GCSAM: variants seen among roughly 807,000 people sequenced by gnomAD.
The protein encoded by GCSAM is germinal center-associated signaling and motility protein.
Under a neutral mutation model 17.6 loss-of-function variants are expected in GCSAM, and 8 were observed. The observed-to-expected ratio is 0.46, with a 90% CI of 0.27 to 0.82. The LOEUF is 0.82. GCSAM is among the 40% of genes least tolerant of loss of function. The pLI is 0.15. For missense variants in GCSAM, 192 were observed against 213.5 expected, an observed-to-expected ratio of 0.90 and a Z score of 0.63; for synonymous variants, 68 against 69.0, an observed-to-expected ratio of 0.98 and a Z score of 0.07.
At chr3:112,126,106 A>T (rs1417843787) in intron 4 of GCSAM, among the ~76,000 whole-genome samples, 2 of 152,184 alleles carry the variant, frequency 1.3e-5, no homozygotes, top group African/African-American at 4.8e-5. Context: ...TAAGAAAAGC[A>T]TCTTCAGCAT....
chr3:112,122,514 C>T lies in GCSAM; in HGVS notation c.*941G>A, dbSNP rs1020130319. The T allele has an allele frequency of 6.6e-6, 1 of 152,136 alleles. No homozygotes were observed. Among genetic ancestry groups the T allele is most frequent in the Non-Finnish European group, 1.5e-5 (1 of 68,028 alleles). The allele number at this position is 152,136 out of a possible 1,614,324, so 9.4% of individuals were successfully genotyped here. On this transcript the variant is annotated 3_prime_UTR_variant, in exon 6 of 6. Transcript: ENST00000308910. ...TCAGGACACATAGAGGAGTGCTTAT[C>T]AGAGAAGGTATATATGTGTTAATTT...
chr3:112,132,383 A>G (rs892702412), intron 1 of GCSAM, among the ~76,000 whole-genome samples: 1 of 152,142 alleles, frequency 6.6e-6, no homozygotes, highest in Non-Finnish European at 1.5e-5. Flanking sequence ...TACCCTAGAG[A>G]TTACCTTGTC....
intron 5 of GCSAM, 63 bp downstream of exon 5, chr3:112,125,163 C>G: frequency 1.9e-6 from 2 of 1,056,258 alleles, no homozygotes; most frequent in East Asian, 4.7e-5. Flanking sequence ...ACTTCTCCTG[C>G]CATTTAGGGT....
At chr3:112,132,445 T>G (rs1393769368) in intron 1 of GCSAM, among the ~76,000 whole-genome samples, 1 of 152,134 alleles carries the variant, frequency 6.6e-6, no homozygotes, top group East Asian at 1.9e-4. Flanking sequence ...AAGATGATGG[T>G]CAGAAAAAGA....
Position 112,123,747 on chromosome 3 carries a change from T to G in GCSAM, c.245A>C (p.Glu82Ala). 6.2e-7 allele frequency: 1 copy of G among 1,613,416 alleles called. No individual in the cohort carries two copies. Among genetic ancestry groups the G allele is most frequent in the South Asian group, 1.1e-5 (1 of 91,024 alleles). Residue 82 changes from glutamate (E) to alanine (A), a missense_variant, in exon 6 of 6, where the codon GAG becomes GCG. Physicochemically the swap from Glu to Ala is moderately radical, Grantham distance 107. Transcript: ENST00000308910. The stretch of plus-strand genomic sequence containing the variant: ...ATTGATGAGGGTATAGCACAGCTCC[T>G]CTGAGTAGGTCTGGTCAACATTGTC... Reference protein sequence around the residue: ...IQDNVDQTYSEELCYTLINHR... With the variant: ...IQDNVDQTYSAELCYTLINHR...
At chr3:112,129,312 A>G (rs1291230934) in intron 2 of GCSAM, 1 of 152,172 alleles carries the variant, frequency 6.6e-6, no homozygotes, top group Non-Finnish European at 1.5e-5. Context: ...AAATCTATAA[A>G]AGAGGATGTA....
chr3:112,126,374 T>G (rs2107804624), intron 4 of GCSAM, among the ~76,000 whole-genome samples: 1 of 152,306 alleles, frequency 6.6e-6, no homozygotes, highest in South Asian at 2.1e-4. Flanking sequence ...CTTTCTTATT[T>G]TTATTTTTAG....
intron 2 of GCSAM, 154 bp downstream of exon 2, chr3:112,130,290 AT>A (rs1272848614): frequency 5.8e-6 from 4 of 688,684 alleles, no homozygotes; most frequent in Non-Finnish European, 1.0e-5. Context: ...GTTTTCAAGC[AT>A]TTTATCTTTT....
At chr3:112,132,725 G>C in intron 1 of GCSAM, 1 of 949,400 alleles carries the variant, frequency 1.1e-6, no homozygotes. Flanking sequence ...GCTGAAAGAG[G>C]GTGGTGATTT....
chr3:112,131,938 A>C (rs2074463365), intron 1 of GCSAM, among the ~76,000 whole-genome samples: 1 of 152,186 alleles, frequency 6.6e-6, no homozygotes, highest in Non-Finnish European at 1.5e-5. Context: ...TTTTTCTTAC[A>C]TAAAACAAAA....
intron 1 of GCSAM, among the ~76,000 whole-genome samples, chr3:112,132,444 G>C (rs2074479664): frequency 6.6e-6 from 1 of 152,152 alleles, no homozygotes; most frequent in East Asian, 1.9e-4. Flanking sequence ...GAAGATGATG[G>C]TCAGAAAAAG....
intron 5 of GCSAM, 131 bp from the exon 6 acceptor site, chr3:112,123,903 T>A (rs1336551469): frequency 2.2e-6 from 2 of 919,290 alleles, no homozygotes; most frequent in South Asian, 1.7e-5. Context: ...CTCTTGGCCA[T>A]TTTTTTCTAA....
intron 4 of GCSAM, 68 bp downstream of exon 4, chr3:112,126,919 T>A: frequency 9.3e-7 from 1 of 1,075,796 alleles, no homozygotes; most frequent in Middle Eastern, 2.0e-4. Flanking sequence ...TTTGGGAACA[T>A]AGAGAAGAAG....
At chr3:112,128,871 G>C (rs780204108) in intron 2 of GCSAM, 2 of 152,320 alleles carry the variant, frequency 1.3e-5, no homozygotes, top group Non-Finnish European at 2.9e-5. Flanking sequence ...GAATGTGAAA[G>C]CCCTTTATAA....
intron 4 of GCSAM, 120 bp downstream of exon 4, chr3:112,126,867 G>A: frequency 1.3e-6 from 1 of 760,450 alleles, no homozygotes; most frequent in South Asian, 1.6e-5. Context: ...ATACAGTAAA[G>A]CAAAATGTGT....
chr3:112,132,349 C>T (rs1371143673), intron 1 of GCSAM, among the ~76,000 whole-genome samples: 3 of 152,166 alleles, frequency 2.0e-5, no homozygotes, highest in East Asian at 1.9e-4. Context: ...GGCTCGCTTA[C>T]TCTCTCTAGA....
chr3:112,121,747 C>T lies in GCSAM; in HGVS notation c.*1708G>A, dbSNP rs994830776. On this transcript the variant is annotated 3_prime_UTR_variant, in exon 6 of 6. Coordinates refer to ENST00000308910, the MANE Select transcript of GCSAM (RefSeq NM_152785.5). ...AGCTGGCTCTTTAGCTGAAGACCAT[C>T]ACCTGGCTGAAGGCTCCACAAACCT... The T allele has an allele frequency of 6.6e-6, 1 of 152,226 alleles. No homozygotes were observed. The highest frequency in any genetic ancestry group is 1.5e-5 in the Non-Finnish European group (1 of 68,038). 9.4% of individuals were successfully genotyped at this position (152,226 alleles called of 1,614,324 possible). A position where few individuals can be genotyped will look rare whatever the true frequency, so the allele number is the denominator to read the frequency against.
intron 2 of GCSAM, chr3:112,130,055 A>C (rs963787584): frequency 5.6e-6 from 1 of 178,998 alleles, no homozygotes; most frequent in African/African-American, 2.3e-5. Context: ...AAATTGTCGT[A>C]ACATGGGGCA....
Position 112,121,059 on chromosome 3 carries a change from C to CT in GCSAM, c.*2395dup, listed in dbSNP as rs901791648. 2.0e-5 allele frequency: 3 copies of CT among 152,114 alleles called. No individual in the cohort carries two copies. The highest frequency in any genetic ancestry group is 2.9e-5 in the Non-Finnish European group (2 of 68,026). The allele number at this position is 152,114 out of a possible 1,614,324, so 9.4% of individuals were successfully genotyped here. Reference sequence around the variant, plus strand: ...CTTTCATAATCCCTCTTATAATTCCCTCTTATAAATCCCTGTTATAATTAC... The same window carrying CT: ...CTTTCATAATCCCTCTTATAATTCCCTTCTTATAAATCCCTGTTATAATTAC... On this transcript the variant is annotated 3_prime_UTR_variant, in exon 6 of 6. Transcript: ENST00000308910.
Sources: allele counts gnomAD v4.1 joint callset (sites outside exome capture counted in the v4.1 genomes callset), GRCh38; gene constraint gnomAD v4.1.1; transcripts MANE v1.5; gene names NCBI Gene and HGNC (gene_info 2026-07-23, HGNC 2026-07-21).